Variants in STAG1 observed in about 807,000 individuals in gnomAD.
The protein encoded by STAG1 is STAG1 cohesin complex component, also known as cohesin subunit SA-1.
In STAG1, 26 loss-of-function variants were observed where a neutral mutation model predicts 170.9. The ratio of observed to expected loss-of-function variants is 0.15; its 90% CI spans 0.11 to 0.21. The LOEUF (loss-of-function observed/expected upper bound fraction) is 0.21, where lower values mean the gene tolerates loss of function less well. Ranked by LOEUF, STAG1 falls within the 10% of genes least tolerant of loss-of-function variation. The pLI, the probability that STAG1 is intolerant of heterozygous loss-of-function variation, is 1.00. For missense variants in STAG1, 964 were observed against 1,509.5 expected (o/e 0.64, Z 5.99); for synonymous variants, 514 against 497.7 (o/e 1.03, Z -0.44).
intron 13 of STAG1, among the ~76,000 whole-genome samples, chr3:136,455,670 G>C (rs1000683636): frequency 3.9e-5 from 6 of 152,336 alleles, no homozygotes; most frequent in African/African-American, 1.4e-4. Context: ...CATGTTGAAG[G>C]GAGTGGCCAG....
intron 15 of STAG1, among the ~76,000 whole-genome samples, chr3:136,442,986 G>A (rs1217008969): frequency 6.6e-6 from 1 of 152,178 alleles, no homozygotes; most frequent in Admixed American, 6.5e-5. Flanking sequence ...TCCAGCCTGG[G>A]TGACAGAGCA....
chr3:136,477,422 GA>G lies in STAG1; in HGVS notation c.903-11del, dbSNP rs760695788. Reference sequence around the variant, plus strand: ...CTCAGCAATAGCATCACTAGAGAGAGAAAAAAAAGACAATCTCAAATTAATA... The same window carrying G: ...CTCAGCAATAGCATCACTAGAGAGAGAAAAAAAGACAATCTCAAATTAATA... On this transcript the variant is annotated splice_polypyrimidine_tract_variant and intron_variant, in intron 9 of 33. Transcript: ENST00000383202. The G allele has an allele frequency of 5.7e-6, 9 of 1,577,636 alleles. No individual in the cohort carries two copies. Among genetic ancestry groups the G allele is most frequent in the African/African-American group, 2.7e-5 (2 of 72,802 alleles).
At chr3:136,583,766 G>A (rs1228150483) in intron 4 of STAG1, among the ~76,000 whole-genome samples, 1 of 152,140 alleles carries the variant, frequency 6.6e-6, no homozygotes, top group South Asian at 2.1e-4. Flanking sequence ...TCCAGCCTGA[G>A]CAATAGAATG....
chr3:136,340,982 C>A (rs1935945293), intron 31 of STAG1, among the ~76,000 whole-genome samples: 1 of 152,168 alleles, frequency 6.6e-6, no homozygotes, highest in Non-Finnish European at 1.5e-5. Context: ...GATCTTGACT[C>A]ACTACAACCT....
chr3:136,416,699 G>A (rs1559787852), intron 21 of STAG1, among the ~76,000 whole-genome samples: 4 of 152,060 alleles, frequency 2.6e-5, no homozygotes, highest in Admixed American at 1.3e-4. Flanking sequence ...AAAAGAGAGG[G>A]TAAAATATTT....
chr3:136,496,194 T>G (rs990131346), intron 9 of STAG1, among the ~76,000 whole-genome samples: 2 of 151,872 alleles, frequency 1.3e-5, no homozygotes, highest in Admixed American at 6.6e-5. Flanking sequence ...CAGAAAGTAC[T>G]CCTATAAACC....
intron 9 of STAG1, among the ~76,000 whole-genome samples, chr3:136,493,098 T>C (rs900892545): frequency 1.3e-5 from 2 of 152,068 alleles, no homozygotes; most frequent in Non-Finnish European, 1.5e-5. Context: ...TCACAGCACT[T>C]TGGGAGGCTG....
intron 1 of STAG1, among the ~76,000 whole-genome samples, chr3:136,685,318 A>C (rs1299966234): frequency 6.6e-6 from 1 of 151,664 alleles, no homozygotes; most frequent in African/African-American, 2.4e-5. Context: ...TTCCTCTCCA[A>C]AAACAAACAA....
chr3:136,667,450 G>A (rs1231996312), intron 1 of STAG1, among the ~76,000 whole-genome samples: 4 of 152,270 alleles, frequency 2.6e-5, no homozygotes, highest in Non-Finnish European at 5.9e-5. Flanking sequence ...ATATCAGTGA[G>A]ATTATGACAT....
chr3:136,368,524 T>C (rs1033780711), intron 24 of STAG1, among the ~76,000 whole-genome samples: 2 of 145,712 alleles, frequency 1.4e-5, no homozygotes, highest in South Asian at 2.4e-4. Context: ...AACCTGGACA[T>C]AGCCAATTAG....
At chr3:136,530,743 C>T (rs1935327404) in intron 6 of STAG1, among the ~76,000 whole-genome samples, 1 of 152,032 alleles carries the variant, frequency 6.6e-6, no homozygotes, top group Admixed American at 6.6e-5. Context: ...CATACCAAAA[C>T]CTGTGGGATA....
chr3:136,357,236 C>T (rs1936695099), intron 28 of STAG1, among the ~76,000 whole-genome samples: 1 of 152,114 alleles, frequency 6.6e-6, no homozygotes, highest in Non-Finnish European at 1.5e-5. Context: ...GTGTGAGCCA[C>T]CATGCCCAGC....
chr3:136,529,297 A>C lies in STAG1; in HGVS notation c.472-7880T>G, dbSNP rs566665839. The stretch of plus-strand genomic sequence containing the variant: ...CAAGAGATACAGACATTTAGATACA[A>C]GAGGCTAAGATCCAAAAAGGTCTTC... On this transcript the variant is annotated intron_variant, in intron 6 of 33. Coordinates refer to ENST00000383202, the MANE Select transcript of STAG1 (RefSeq NM_005862.3). 6.6e-5 allele frequency among the ~76,000 whole-genome samples: 10 copies of C among 152,332 alleles called. No homozygotes were observed. In the South Asian group the frequency reaches 1.9e-3, roughly 28 times the overall value.
chr3:136,465,402 G>C (rs1466058507), intron 12 of STAG1, among the ~76,000 whole-genome samples: 1 of 151,150 alleles, frequency 6.6e-6, no homozygotes, highest in Non-Finnish European at 1.5e-5. Flanking sequence ...TGTATTTTTA[G>C]TAGAAACGGG....
At chr3:136,589,639 A>AT (rs1334850439) in intron 4 of STAG1, among the ~76,000 whole-genome samples, 6 of 151,140 alleles carry the variant, frequency 4.0e-5, no homozygotes, top group Admixed American at 1.3e-4. Context: ...AAAAAAAAAA[A>AT]AAAAAAAAAA....
chr3:136,687,802 T>C (rs965476233), intron 1 of STAG1, among the ~76,000 whole-genome samples: 7 of 151,724 alleles, frequency 4.6e-5, no homozygotes, highest in African/African-American at 1.7e-4. Context: ...CATGGCATGA[T>C]ATCAGCTCAC....
intron 22 of STAG1, among the ~76,000 whole-genome samples, chr3:136,386,181 CA>C (rs1201604855): frequency 6.6e-6 from 1 of 151,498 alleles, no homozygotes; most frequent in African/African-American, 2.4e-5. Context: ...ACTAAAAATA[CA>C]AAAAAAATTA....
intron 1 of STAG1, among the ~76,000 whole-genome samples, chr3:136,705,201 C>T (rs1159724295): frequency 2.0e-5 from 3 of 151,988 alleles, no homozygotes; most frequent in Non-Finnish European, 2.9e-5. Context: ...CAGTGAAACC[C>T]CATCTCTACT....
At chr3:136,670,454 T>G (rs1399822369) in intron 1 of STAG1, among the ~76,000 whole-genome samples, 3 of 152,186 alleles carry the variant, frequency 2.0e-5, no homozygotes, top group African/African-American at 7.2e-5. Context: ...CTAGTATTTT[T>G]CATTTTGGTT....
Sources: gnomAD v4.1 joint callset for allele counts (sites outside exome capture counted in the v4.1 genomes callset) on GRCh38, gnomAD v4.1.1 for gene constraint, MANE v1.5 for transcripts, NCBI Gene and HGNC (gene_info 2026-07-23, HGNC 2026-07-21) for gene names.